RAD51: variants seen among roughly 807,000 people sequenced by gnomAD.
RAD51 encodes DNA repair protein RAD51 homolog 1.
Under a neutral mutation model 41.5 loss-of-function variants are expected in RAD51, and 14 were observed. The observed-to-expected ratio is 0.34, with a 90% confidence interval of 0.22 to 0.53. The LOEUF (loss-of-function observed/expected upper bound fraction) is 0.53, where lower values mean the gene tolerates loss of function less well. Ranked by LOEUF, RAD51 falls within the 20% of genes least tolerant of loss-of-function variation. RAD51 has a pLI of 0.95. For synonymous variants in RAD51, 136 were observed against 148.6 expected (o/e 0.92, Z 0.62); for missense variants, 234 against 422.0 (o/e 0.55, Z 3.90).
At chr15:40,698,120 A>G (rs548791929) in intron 1 of RAD51, among the ~76,000 whole-genome samples, 1 of 152,056 alleles carries the variant, frequency 6.6e-6, no homozygotes, top group Non-Finnish European at 1.5e-5. Context: ...CGCCCCCTGC[A>G]ACAGCTGCAT....
chr15:40,724,248 C>T (rs940959268), intron 6 of RAD51, among the ~76,000 whole-genome samples: 3 of 152,026 alleles, frequency 2.0e-5, no homozygotes, highest in African/African-American at 7.3e-5. Context: ...TTGTGTCTTC[C>T]CTCTCAAAAT....
chr15:40,707,572 G>T (rs1436870493), intron 4 of RAD51, among the ~76,000 whole-genome samples: 1 of 152,186 alleles, frequency 6.6e-6, no homozygotes, highest in Admixed American at 6.5e-5. Flanking sequence ...CTCCCAAAGT[G>T]CTGGGCTTAC....
In RAD51 at chr15:40,713,808, G is replaced by A. The variant is rs183450392; in HGVS notation, c.435+4692G>A. On this transcript the variant is annotated intron_variant, in intron 5 of 9. Transcript: ENST00000267868. ...TTTTTAGTAGAGACAGGTTTTCACC[G>A]TATTAGCCAGGATGGTCTCGATCTC... 1.6e-3 allele frequency among the ~76,000 whole-genome samples: 247 copies of A among 151,302 alleles called. 1 individual carries two copies. Among genetic ancestry groups the A allele is most frequent in the Non-Finnish European group, 2.2e-3 (151 of 67,860 alleles).
chr15:40,727,462 G>C (rs916340699), intron 6 of RAD51, among the ~76,000 whole-genome samples: 1 of 151,656 alleles, frequency 6.6e-6, no homozygotes, highest in Non-Finnish European at 1.5e-5. Flanking sequence ...GATTACAGGC[G>C]CCTGCAACCA....
chr15:40,719,943 A>G (rs12591044), intron 6 of RAD51, among the ~76,000 whole-genome samples: 97,754 of 152,022 alleles, frequency 0.64, 32,051 homozygotes, highest in East Asian at 0.93. Flanking sequence ...TAACAACAAA[A>G]CCCCAAAATA....
intron 6 of RAD51, among the ~76,000 whole-genome samples, chr15:40,719,886 G>T (rs577692274): frequency 6.6e-6 from 1 of 151,886 alleles, no homozygotes; most frequent in East Asian, 1.9e-4. Flanking sequence ...TAATTAAAAG[G>T]TCAGTTTGTC....
chr15:40,699,921 A>G (rs1894878373), intron 2 of RAD51, among the ~76,000 whole-genome samples: 1 of 151,810 alleles, frequency 6.6e-6, no homozygotes, highest in Non-Finnish European at 1.5e-5. Flanking sequence ...TTTTTTTCAT[A>G]TTTCCCATCT....
chr15:40,704,101 GTC>G, intron 3 of RAD51, among the ~76,000 whole-genome samples: 1 of 151,750 alleles, frequency 6.6e-6, no homozygotes, highest in South Asian at 2.1e-4. Flanking sequence ...TTGAGACGGA[GTC>G]TCCCTCTGTG....
rs148870330 is a variant in RAD51, at chr15:40,703,164, G to A, written c.225+1963G>A. The stretch of plus-strand genomic sequence containing the variant: ...TGATTAAGTTATAAGCTCTGTGGAG[G>A]CAGGAATCAGCTCTTCTTTTTCTCC... On this transcript the variant is annotated intron_variant, in intron 3 of 9. Coordinates refer to ENST00000267868, the MANE Select transcript of RAD51 (RefSeq NM_002875.5). Among the ~76,000 whole-genome samples, 93 of 152,252 alleles carry A rather than the reference G, an allele frequency of 6.1e-4. 3 individuals carry two copies. In the East Asian group the frequency reaches 0.016, roughly 26 times the overall value.
At chr15:40,729,255 C>T (rs922528470) in intron 7 of RAD51, among the ~76,000 whole-genome samples, 3 of 151,508 alleles carry the variant, frequency 2.0e-5, no homozygotes, top group African/African-American at 4.9e-5. Context: ...CGCCTGTAGT[C>T]CCAGCTACTC....
At chr15:40,710,536 GGA>G (rs1491211599) in intron 5 of RAD51, among the ~76,000 whole-genome samples, 3 of 144,616 alleles carry the variant, frequency 2.1e-5, no homozygotes, top group African/African-American at 7.7e-5. Flanking sequence ...AATGAAAAAA[GGA>G]AAAAAATTCA....
chr15:40,721,486 G>C (rs1475884494), intron 6 of RAD51, among the ~76,000 whole-genome samples: 3 of 152,040 alleles, frequency 2.0e-5, no homozygotes, highest in African/African-American at 7.2e-5. Flanking sequence ...TTTTGACAAA[G>C]GTAACAGGCA....
At chr15:40,701,321 G>T in intron 3 of RAD51, 120 bp downstream of exon 3, 1 of 1,109,480 alleles carries the variant, frequency 9.0e-7, no homozygotes. Context: ...CTTTCCAGGG[G>T]TGACTGTTAC....
rs183875712 is a variant in RAD51 at position 40,719,016 on chromosome 15, T to A, written c.530+117T>A. The A allele has an allele frequency of 5.5e-4, 512 of 929,670 alleles. 3 individuals are homozygous for A. The African/African-American group carries it at 7.2e-3, about 13-fold the overall frequency. The allele number at this position is 929,670 out of a possible 1,614,324, so 57.6% of individuals were successfully genotyped here. Reference sequence around the variant, plus strand: ...TAACCCCACGTCCCAAAGTTGTATGTGTGGTTCAAAAGAATGACTTCCTTA... The same window carrying A: ...TAACCCCACGTCCCAAAGTTGTATGAGTGGTTCAAAAGAATGACTTCCTTA... On this transcript the variant is annotated intron_variant, in intron 6 of 9. Coordinates refer to ENST00000267868, the MANE Select transcript of RAD51 (RefSeq NM_002875.5).
rs115336578 is a variant in RAD51, at chr15:40,696,713, A to G, written c.-3+1288A>G. 2.2e-3 allele frequency among the ~76,000 whole-genome samples: 342 copies of G among 152,362 alleles called. 3 individuals are homozygous for G. Among genetic ancestry groups the G allele is most frequent in the African/African-American group, 8.1e-3 (336 of 41,580 alleles). On this transcript the variant is annotated intron_variant, in intron 1 of 9. Coordinates refer to ENST00000267868, the MANE Select transcript of RAD51 (RefSeq NM_002875.5). Reference sequence around the variant, plus strand: ...AATGTTGCTTGTTTTTGAATTTTATATAAAAATACATCAGGAGTGTTGAGT... The same window carrying G: ...AATGTTGCTTGTTTTTGAATTTTATGTAAAAATACATCAGGAGTGTTGAGT...
In RAD51 at chr15:40,697,625, T is replaced by G. The variant is rs538138456; in HGVS notation, c.-2-1132T>G. ...CGGAGTCTCACTCTGTCGCCCAGGC[T>G]GGAGTGCAGTGGCGCGATCTTGGCT... On this transcript the variant is annotated intron_variant, in intron 1 of 9. Transcript: ENST00000267868. 2.1e-5 allele frequency among the ~76,000 whole-genome samples: 3 copies of G among 140,586 alleles called. No individual in the cohort carries two copies. In the South Asian group the frequency reaches 6.8e-4, roughly 32 times the overall value. 92.2% of individuals were successfully genotyped at this position (140,586 alleles called of 152,430 possible). A position where few individuals can be genotyped will look rare whatever the true frequency, so the allele number is the denominator to read the frequency against.
chr15:40,729,979 G>C lies in RAD51; in HGVS notation c.896+5G>C. On this transcript the variant is annotated splice_donor_5th_base_variant and intron_variant, in intron 9 of 9. Coordinates refer to ENST00000267868, the MANE Select transcript of RAD51 (RefSeq NM_002875.5). ...CGCCCATGCATCAACAACCAGGTAAGGTGTTGATGGGATCAGTTCTTCTTT... is the reference window on the plus strand; with the variant it reads ...CGCCCATGCATCAACAACCAGGTAACGTGTTGATGGGATCAGTTCTTCTTT... The C allele has an allele frequency of 6.2e-7, 1 of 1,613,846 alleles. No homozygotes were observed. Among genetic ancestry groups the C allele is most frequent in the Non-Finnish European group, 8.5e-7 (1 of 1,179,836 alleles).
intron 7 of RAD51, among the ~76,000 whole-genome samples, chr15:40,729,233 T>C (rs548445348): frequency 6.6e-6 from 1 of 151,468 alleles, no homozygotes; most frequent in Non-Finnish European, 1.5e-5. Context: ...ATTAGCTGGG[T>C]GTGGTGGCGG....
chr15:40,709,664 C>A lies in RAD51; in HGVS notation c.435+548C>A, dbSNP rs529601951. Among the ~76,000 whole-genome samples the A allele has an allele frequency of 1.7e-4, 26 of 152,254 alleles. No homozygotes were observed. The East Asian group carries it at 4.6e-3, about 27-fold the overall frequency. On this transcript the variant is annotated intron_variant, in intron 5 of 9. Transcript: ENST00000267868. ...CTGGAATTATAGGCGTAAGCCACTG[C>A]GCCCAGCCCTCCATCTTCTTCATTA...
Sources: gnomAD v4.1 joint callset for allele counts (sites outside exome capture counted in the v4.1 genomes callset) on GRCh38, gnomAD v4.1.1 for gene constraint, MANE v1.5 for transcripts, NCBI Gene and HGNC (gene_info 2026-07-23, HGNC 2026-07-21) for gene names.